ARHGAP10: variants seen among roughly 807,000 people sequenced by gnomAD.
The protein encoded by ARHGAP10 is Rho GTPase activating protein 10, also known as rho GTPase-activating protein 10.
ARHGAP10 carries 87 observed loss-of-function variants against 108.6 expected under a neutral mutation model. That is an observed-to-expected ratio of 0.80 (90% CI 0.67 to 0.96). The LOEUF (loss-of-function observed/expected upper bound fraction) is 0.96, where lower values mean the gene tolerates loss of function less well. ARHGAP10 is among the 40% of genes least tolerant of loss of function. The probability of loss-of-function intolerance (pLI) is 0.00; values close to 1 mark genes in which losing one functional copy is unlikely to be tolerated. For synonymous variants in ARHGAP10, 347 were observed against 341.1 expected (o/e 1.02, Z -0.19); for missense variants, 939 against 954.5 (o/e 0.98, Z 0.21).
chr4:148,019,763 T>TAAA (rs879896839), intron 18 of ARHGAP10, among the ~76,000 whole-genome samples: 2 of 132,784 alleles, frequency 1.5e-5, no homozygotes, highest in Non-Finnish European at 3.3e-5. Context: ...AGACTCCACC[T>TAAA]AAAAAAAAAA....
chr4:147,871,201 G>A (rs1178035628), intron 7 of ARHGAP10, among the ~76,000 whole-genome samples: 5 of 152,112 alleles, frequency 3.3e-5, no homozygotes, highest in Middle Eastern at 6.8e-3. Context: ...CTCGTGATCC[G>A]CCCACCTCGG....
chr4:147,909,061 C>T lies in ARHGAP10; in HGVS notation c.1117-671C>T, dbSNP rs550045571. Among the ~76,000 whole-genome samples, 4 of 152,324 alleles carry T rather than the reference C, an allele frequency of 2.6e-5. No individual in the cohort carries two copies. The South Asian group carries it at 8.3e-4, about 32-fold the overall frequency. ...CAGGTGCCCATCACAAGTCTGGACCCTCCCATACTTCTGGCTAACTGGCTA... is the reference window on the plus strand; with the variant it reads ...CAGGTGCCCATCACAAGTCTGGACCTTCCCATACTTCTGGCTAACTGGCTA... On this transcript the variant is annotated intron_variant, in intron 11 of 22. Coordinates refer to ENST00000336498, the MANE Select transcript of ARHGAP10 (RefSeq NM_024605.4).
At chr4:147,759,903 C>G (rs980376376) in intron 1 of ARHGAP10, among the ~76,000 whole-genome samples, 1 of 152,082 alleles carries the variant, frequency 6.6e-6, no homozygotes, top group Admixed American at 6.6e-5. Flanking sequence ...AGCCTGCCAC[C>G]ATGCCTGGCT....
rs1730383281 is a variant in ARHGAP10 at position 147,778,200 on chromosome 4, A to G, written c.155-44527A>G. On this transcript the variant is annotated intron_variant, in intron 1 of 22. Transcript: ENST00000336498. ...ATGCCTGCTCAGACAGGATTTTTGC[A>G]TGTGTGTGAATTTCCTCACCTTTGA... Among the ~76,000 whole-genome samples, 4 of 152,288 alleles carry G rather than the reference A, an allele frequency of 2.6e-5. No individual in the cohort carries two copies. The South Asian group carries it at 6.2e-4, about 24-fold the overall frequency.
intron 18 of ARHGAP10, among the ~76,000 whole-genome samples, chr4:147,991,038 C>T (rs1209941533): frequency 6.6e-6 from 1 of 151,646 alleles, no homozygotes; most frequent in African/African-American, 2.4e-5. Flanking sequence ...GAAAAACTAC[C>T]TATTGTTTAC....
At chr4:147,770,399 C>T (rs985263237) in intron 1 of ARHGAP10, among the ~76,000 whole-genome samples, 3 of 152,096 alleles carry the variant, frequency 2.0e-5, no homozygotes, top group Non-Finnish European at 4.4e-5. Context: ...GTGGTGGGCG[C>T]CTGTAATCCC....
intron 18 of ARHGAP10, among the ~76,000 whole-genome samples, chr4:147,972,748 CA>C (rs1578747556): frequency 1.3e-5 from 2 of 151,732 alleles, no homozygotes; most frequent in East Asian, 3.9e-4. Flanking sequence ...GCTCTTTCAA[CA>C]GTGACATTTC....
chr4:147,999,820 C>G (rs867797209), intron 18 of ARHGAP10, among the ~76,000 whole-genome samples: 2 of 152,134 alleles, frequency 1.3e-5, no homozygotes, highest in Admixed American at 1.3e-4. Context: ...GCCCTGCCCC[C>G]CTCGTTTACA....
In ARHGAP10 at chr4:147,934,205, C is replaced by T. The variant is rs560548910; in HGVS notation, c.1229-5620C>T. On this transcript the variant is annotated intron_variant, in intron 13 of 22. Transcript: ENST00000336498. ...TGGCAGATAGTTTCAACTGCAGGCT[C>T]AAGGCCAAAGAGGGCTGTAGCTAAG... Among the ~76,000 whole-genome samples, 32 of 152,314 alleles carry T rather than the reference C, an allele frequency of 2.1e-4. 1 individual carries two copies. In the South Asian group the frequency reaches 6.2e-3, roughly 30 times the overall value.
chr4:147,960,771 T>C (rs1291419289), intron 16 of ARHGAP10, among the ~76,000 whole-genome samples: 1 of 152,244 alleles, frequency 6.6e-6, no homozygotes, highest in Non-Finnish European at 1.5e-5. Context: ...GTGTGATCAC[T>C]CTCCTGACAT....
intron 18 of ARHGAP10, among the ~76,000 whole-genome samples, chr4:147,996,371 G>C (rs1466160393): frequency 1.3e-5 from 2 of 152,182 alleles, no homozygotes; most frequent in Non-Finnish European, 2.9e-5. Context: ...GATAGAGGGG[G>C]ATGTTTTGTT....
chr4:148,047,376 G>T (rs1728936805), intron 20 of ARHGAP10, among the ~76,000 whole-genome samples: 1 of 152,244 alleles, frequency 6.6e-6, no homozygotes, highest in African/African-American at 2.4e-5. Flanking sequence ...GCAAACTTTA[G>T]AGATGTGAGA....
chr4:147,866,434 C>CA (rs569198454), intron 6 of ARHGAP10: 31 of 303,842 alleles, frequency 1.0e-4, no homozygotes, highest in African/African-American at 6.1e-4. Context: ...CTAAAGAGGA[C>CA]AAATGGATGA....
intron 18 of ARHGAP10, among the ~76,000 whole-genome samples, chr4:148,010,803 G>T (rs1000867381): frequency 2.0e-5 from 3 of 152,128 alleles, no homozygotes; most frequent in Non-Finnish European, 2.9e-5. Context: ...AGAACACCAG[G>T]TGATTTGTGT....
chr4:147,756,126 G>C (rs1221584323), intron 1 of ARHGAP10, among the ~76,000 whole-genome samples: 1 of 137,036 alleles, frequency 7.3e-6, no homozygotes, highest in Non-Finnish European at 1.6e-5. Flanking sequence ...CACTTACTAG[G>C]AGGCAAAAAA....
At chr4:147,962,580 A>G (rs180817334) in intron 16 of ARHGAP10, among the ~76,000 whole-genome samples, 29 of 152,288 alleles carry the variant, frequency 1.9e-4, no homozygotes, top group Admixed American at 4.6e-4. Context: ...TGACTTTATG[A>G]GGGGCTTATT....
chr4:147,868,985 A>G (rs975308068), intron 7 of ARHGAP10, among the ~76,000 whole-genome samples: 4 of 152,078 alleles, frequency 2.6e-5, no homozygotes, highest in Admixed American at 6.6e-5. Flanking sequence ...CTTACTGGCT[A>G]TATAATCTGT....
At chr4:147,793,727 C>G (rs1731211180) in intron 1 of ARHGAP10, among the ~76,000 whole-genome samples, 1 of 152,186 alleles carries the variant, frequency 6.6e-6, no homozygotes, top group African/African-American at 2.4e-5. Flanking sequence ...AGCCATGGAT[C>G]CTCCTCTGCT....
chr4:147,956,919 G>A (rs1247124201), intron 16 of ARHGAP10, among the ~76,000 whole-genome samples: 1 of 152,058 alleles, frequency 6.6e-6, no homozygotes, highest in East Asian at 1.9e-4. Flanking sequence ...CAAATGAAGA[G>A]GTTCCTAAGA....
Sources: gnomAD v4.1 joint callset for allele counts (sites outside exome capture counted in the v4.1 genomes callset) on GRCh38, gnomAD v4.1.1 for gene constraint, MANE v1.5 for transcripts, NCBI Gene and HGNC (gene_info 2026-07-23, HGNC 2026-07-21) for gene names.